Variants in UPRT observed in about 807,000 individuals in gnomAD.
The protein encoded by UPRT is RP11-311P8.3.
UPRT carries 5 observed loss-of-function variants against 22.6 expected under a neutral mutation model. The ratio of observed to expected loss-of-function variants is 0.22; its 90% confidence interval spans 0.12 to 0.47. The LOEUF is 0.47. UPRT is among the 20% of genes least tolerant of loss of function. UPRT has a pLI of 0.99. For missense variants in UPRT, 181 were observed against 239.9 expected, an observed-to-expected ratio of 0.75 and a Z score of 1.62; for synonymous variants, 77 against 87.7, an observed-to-expected ratio of 0.88 and a Z score of 0.68.
At chrX:75,272,352 ATATATGTGTATATATATATATG>A (rs2082613377), upstream of UPRT, among the ~76,000 whole-genome samples, 1 of 92,386 alleles carries the variant, frequency 1.1e-5, no homozygotes, top group Non-Finnish European at 2.1e-5. Flanking sequence ...ATACACATAT[ATATATGTGTATATATATATATG>A]TATATATATA....
At chrX:75,264,997 G>A (rs751228267) in intron 4 of UPRT, among the ~76,000 whole-genome samples, 4 of 111,849 alleles carry the variant, frequency 3.6e-5, no homozygotes, top group East Asian at 5.6e-4. Flanking sequence ...TAAGAATGTT[G>A]AATATCGGCC....
intron 4 of UPRT, among the ~76,000 whole-genome samples, chrX:75,214,314 A>G (rs1280994099): frequency 1.8e-5 from 2 of 112,933 alleles, no homozygotes; most frequent in African/African-American, 6.4e-5. Flanking sequence ...ATGAAATATT[A>G]TTCAGACTTA....
chrX:75,156,394 T>C, exon 1 of UPRT: 1 of 828,881 alleles, frequency 1.2e-6, no homozygotes, highest in Non-Finnish European at 1.7e-6. Flanking sequence ...AAATGGATTC[T>C]GTTTGAAGAT....
Position 75,296,327 on chromosome X carries a change from C to G in UPRT, c.430-15C>G, listed in dbSNP as rs1432350442. 1.0e-5 allele frequency: 12 copies of G among 1,204,751 alleles called. No homozygotes were observed. The South Asian group carries it at 2.1e-4, about 21-fold the overall frequency. On this transcript the variant is annotated splice_polypyrimidine_tract_variant and intron_variant, in intron 2 of 6. Coordinates refer to ENST00000373383, the MANE Select transcript of UPRT (RefSeq NM_145052.4). ...CCCAGCAGGTTCTCAACTTCTTCTT[C>G]CTTTGACTCTCTAGATCAGACTTGT...
At chrX:75,276,219 T>C (rs1417815414) in intron 1 of UPRT, among the ~76,000 whole-genome samples, 1 of 112,036 alleles carries the variant, frequency 8.9e-6, no homozygotes, top group Non-Finnish European at 1.9e-5. Context: ...TCTTCCCTGG[T>C]CTTTTTAATG....
chrX:75,300,741 C>A, intron 5 of UPRT, 126 bp from the exon 6 acceptor site: 1 of 487,545 alleles, frequency 2.1e-6, no homozygotes, highest in South Asian at 3.6e-5. Context: ...GGGCCGAGAT[C>A]ATGCCACTGC....
intron 4 of UPRT, among the ~76,000 whole-genome samples, chrX:75,251,586 T>G: frequency 9.0e-6 from 1 of 111,524 alleles, no homozygotes; most frequent in Non-Finnish European, 1.9e-5. Context: ...TGGAAGAACA[T>G]TCCATGCTCA....
At chrX:75,256,212 C>A (rs1431746888) in intron 4 of UPRT, among the ~76,000 whole-genome samples, 2 of 111,909 alleles carry the variant, frequency 1.8e-5, no homozygotes, top group African/African-American at 3.2e-5. Context: ...CCAAAAGTAA[C>A]CTTCAAAACT....
intron 4 of UPRT, among the ~76,000 whole-genome samples, chrX:75,210,916 C>A (rs1039446506): frequency 9.0e-6 from 1 of 111,340 alleles, no homozygotes; most frequent in Non-Finnish European, 1.9e-5. Context: ...TGGCCATTGA[C>A]TATTGTTGTC....
intron 1 of UPRT, 136 bp downstream of exon 1, chrX:75,274,776 GT>G (rs1355933690): frequency 0.022 from 116 of 5,190 alleles, no homozygotes; most frequent in South Asian, 0.092. Flanking sequence ...CTTTTATTTG[GT>G]GTGTGTGTGT....
intron 4 of UPRT, among the ~76,000 whole-genome samples, chrX:75,226,701 C>T (rs904361983): frequency 1.5e-4 from 17 of 110,397 alleles, no homozygotes; most frequent in African/African-American, 5.6e-4. Context: ...AATTAATGTA[C>T]TCTCTCTGCC....
At chrX:75,272,824 G>T (rs1353768687), upstream of UPRT, among the ~76,000 whole-genome samples, 3 of 111,546 alleles carry the variant, frequency 2.7e-5, no homozygotes, top group Non-Finnish European at 5.6e-5. Context: ...CCATTACTGG[G>T]TATATACCCA....
At chrX:75,182,064 G>A (rs1350823744) in intron 4 of UPRT, among the ~76,000 whole-genome samples, 3 of 111,997 alleles carry the variant, frequency 2.7e-5, no homozygotes, top group Non-Finnish European at 5.6e-5. Flanking sequence ...AAGGGACTTT[G>A]AATTTTATCA....
intron 1 of UPRT, among the ~76,000 whole-genome samples, chrX:75,159,770 ATTTTT>A (rs35651743): frequency 6.7e-4 from 31 of 46,325 alleles, no homozygotes; most frequent in African/African-American, 1.6e-3. Context: ...CTTGCCTTAA[ATTTTT>A]TTTTTTTTTT....
chrX:75,268,974 C>T (rs1163403331), intron 4 of UPRT, among the ~76,000 whole-genome samples: 1 of 111,093 alleles, frequency 9.0e-6, no homozygotes, highest in Non-Finnish European at 1.9e-5. Context: ...AAATTGTCTC[C>T]GTCTGCAGAT....
At chrX:75,175,362 A>G (rs1482418944) in intron 4 of UPRT, among the ~76,000 whole-genome samples, 1 of 112,260 alleles carries the variant, frequency 8.9e-6, no homozygotes, top group Non-Finnish European at 1.9e-5. Flanking sequence ...TGAAAAGAGC[A>G]AAGTCTCCCA....
At chrX:75,294,270 A>G (rs773358034) in intron 2 of UPRT, among the ~76,000 whole-genome samples, 3 of 111,191 alleles carry the variant, frequency 2.7e-5, no homozygotes, top group African/African-American at 9.8e-5. Context: ...ATTTATATTC[A>G]GTGTATATTC....
At chrX:75,230,864 G>C (rs991757477) in intron 4 of UPRT, among the ~76,000 whole-genome samples, 4 of 112,007 alleles carry the variant, frequency 3.6e-5, no homozygotes, top group African/African-American at 1.3e-4. Flanking sequence ...AATCAGTGCA[G>C]TCTGACTCTT....
chrX:75,195,958 A>G (rs1207558979), intron 4 of UPRT, among the ~76,000 whole-genome samples: 1 of 111,945 alleles, frequency 8.9e-6, no homozygotes, highest in African/African-American at 3.2e-5. Context: ...TGGGTCCTCC[A>G]ACTTTGTTCT....
Sources: gnomAD v4.1 joint callset for allele counts (sites outside exome capture counted in the v4.1 genomes callset) on GRCh38, gnomAD v4.1.1 for gene constraint, MANE v1.5 for transcripts, NCBI Gene and HGNC (gene_info 2026-07-23, HGNC 2026-07-21) for gene names.